Variants in UBR4 observed in about 807,000 individuals in gnomAD.
The protein encoded by UBR4 is ubiquitin protein ligase E3 component n-recognin 4.
Under a neutral mutation model 575.6 loss-of-function variants are expected in UBR4, and 124 were observed. The observed-to-expected ratio is 0.22, with a 90% CI of 0.19 to 0.25. The LOEUF (loss-of-function observed/expected upper bound fraction) is 0.25. Ranked by LOEUF, UBR4 falls within the 10% of genes least tolerant of loss-of-function variation. UBR4 has a pLI of 1.00. For synonymous variants in UBR4, 2,455 were observed against 2,473.7 expected (o/e 0.99, Z 0.22); for missense variants, 4,818 against 6,478.8 (o/e 0.74, Z 8.80).
chr1:19,093,594 T>C lies in UBR4; in HGVS notation c.13938-108A>G. ...CAGCCTATAGAAGATCAAGGCTAAA[T>C]TCCCTAACGTGACACAAAGACCTAT... On this transcript the variant is annotated intron_variant, in intron 95 of 105. Transcript: ENST00000375254. This position sits in a 1 kb window ranked among gnomAD's most constrained non-coding sequence, Gnocchi z 4.8. 8.1e-7 allele frequency: 1 copy of C among 1,240,370 alleles called. No homozygotes were observed. Among genetic ancestry groups the C allele is most frequent in the Non-Finnish European group, 1.1e-6 (1 of 890,338 alleles). 76.8% of individuals were successfully genotyped at this position (1,240,370 alleles called of 1,614,324 possible).
chr1:19,179,146 G>C lies in UBR4; in HGVS notation c.2259C>G (p.Ser753Arg). The C allele has an allele frequency of 6.2e-7, 1 of 1,613,698 alleles. No homozygotes were observed. Among genetic ancestry groups the C allele is most frequent in the Non-Finnish European group, 8.5e-7 (1 of 1,179,896 alleles). ...GPWPLYIHPQSLSVLSRLLLI... is the reference protein window; with the variant it reads ...GPWPLYIHPQRLSVLSRLLLI... ...GCAGGAGGCGTGAAAGCACAGAGAG[G>C]CTTTGAGGGTGAATGTACAAGGGCC... Residue 753 changes from serine to arginine, a missense_variant, in exon 18 of 106, where the codon AGC becomes AGG. By Grantham distance (110) the Ser-to-Arg change is moderately radical. Coordinates refer to ENST00000375254, the MANE Select transcript of UBR4 (RefSeq NM_020765.3).
At chr1:19,161,245 C>T (rs1180671150) in intron 37 of UBR4, 98 bp from the exon 38 acceptor site, 2 of 1,168,464 alleles carry the variant, frequency 1.7e-6, no homozygotes, top group Non-Finnish European at 1.2e-6. Flanking sequence ...AAAGAAGAAA[C>T]TGGCTAAGCG....
Position 19,141,417 on chromosome 1 carries a change from G to A in UBR4, c.8418C>T (p.Ile2806=). ...TGGTCTCGTCATCTGCATCAGGTGGGATGTCCAGCATGGGGGGGAAGCCCT... is the reference window on the plus strand; with the variant it reads ...TGGTCTCGTCATCTGCATCAGGTGGAATGTCCAGCATGGGGGGGAAGCCCT... ...GAEGFPPMLD[I]PPDADDETMV... Residue 2806 remains isoleucine (I), a synonymous_variant, in exon 57 of 106, where the codon ATC becomes ATT. Transcript: ENST00000375254. The A allele has an allele frequency of 6.2e-7, 1 of 1,614,262 alleles. No individual in the cohort carries two copies. The highest frequency in any genetic ancestry group is 8.5e-7 in the Non-Finnish European group (1 of 1,180,038).
Position 19,105,821 on chromosome 1 carries a change from G to C in UBR4, c.12415C>G (p.Gln4139Glu), listed in dbSNP as rs781047474. ...GTACAGGCTGCCTGCCGTGCGGCCT[G>C]CGTTGCTGGAGTGAAAAGCACCTGC... ...LRQVLFTPAT[Q>E]AARQAACTIV... Residue 4139 changes from glutamine to glutamate, a missense_variant, in exon 84 of 106, where the codon CAG (glutamine) becomes GAG (glutamate). Physicochemically the swap from Gln to Glu is conservative, Grantham distance 29. This residue lies in a region of UBR4 where 178 missense variants were observed against 175.5 expected (regional missense o/e 1.01). Coordinates refer to ENST00000375254, the MANE Select transcript of UBR4 (RefSeq NM_020765.3). The C allele has an allele frequency of 1.9e-6, 3 of 1,604,886 alleles. No individual in the cohort carries two copies. In the South Asian group the frequency reaches 3.4e-5, roughly 18 times the overall value.
chr1:19,121,871 A>G (rs1209727745), intron 67 of UBR4, 63 bp downstream of exon 67: 1 of 1,572,466 alleles, frequency 6.4e-7, no homozygotes, highest in Middle Eastern at 1.7e-4. Flanking sequence ...CTTGGCATAT[A>G]GTAGGCCTTA....
intron 100 of UBR4, 89 bp downstream of exon 100, chr1:19,086,590 A>C: frequency 1.3e-6 from 2 of 1,552,450 alleles, no homozygotes; most frequent in Non-Finnish European, 1.7e-6. Flanking sequence ...TAAGGAGCAG[A>C]TTTAAAACCA....
intron 102 of UBR4, among the ~76,000 whole-genome samples, chr1:19,083,333 G>C (rs1254930989): frequency 6.6e-6 from 1 of 152,168 alleles, no homozygotes; most frequent in African/African-American, 2.4e-5. Flanking sequence ...GAAATGGGAG[G>C]GAAGGAAAAG....
At chr1:19,180,969 G>A (rs2090884842) in intron 17 of UBR4, among the ~76,000 whole-genome samples, 1 of 152,154 alleles carries the variant, frequency 6.6e-6, no homozygotes, top group African/African-American at 2.4e-5. Context: ...CAGCTATCTT[G>A]CTAGTCTCAC....
chr1:19,134,132 A>T (rs2082903670), intron 60 of UBR4, among the ~76,000 whole-genome samples: 2 of 148,336 alleles, frequency 1.3e-5, no homozygotes, highest in African/African-American at 5.0e-5. Flanking sequence ...ACAGCTGGGC[A>T]TGGTGGCAAG....
chr1:19,119,873 C>T (rs1240110728), intron 69 of UBR4, among the ~76,000 whole-genome samples, 172 bp from the exon 70 acceptor site: 3 of 152,136 alleles, frequency 2.0e-5, no homozygotes, highest in South Asian at 2.1e-4. Flanking sequence ...CATTTGCTGC[C>T]TCTACCCATC....
intron 49 of UBR4, 76 bp downstream of exon 49, chr1:19,150,499 GCT>G: frequency 6.8e-7 from 1 of 1,474,010 alleles, no homozygotes; most frequent in South Asian, 1.2e-5. Context: ...TTAGAAGCTG[GCT>G]CTCTCAAGAC....
rs2083521544 is a variant in UBR4, at chr1:19,139,042, C to T, written c.8731+41G>A. ...GCAGAGATTCCTGTTTTGTCCCCAC[C>T]CTCTGCCCAAGGAGACAGGACCCCC... On this transcript the variant is annotated intron_variant, in intron 59 of 105. Transcript: ENST00000375254. The surrounding 1 kb of genome is among the most constrained non-coding windows in gnomAD (Gnocchi z 4.2). The T allele has an allele frequency of 6.4e-7, 1 of 1,562,826 alleles. No individual in the cohort carries two copies. Among genetic ancestry groups the T allele is most frequent in the East Asian group, 2.3e-5 (1 of 43,542 alleles).
At position 19,117,007 on chromosome 1, in the gene UBR4, C is replaced by T. The variant is rs1255283387; in HGVS notation, c.10823+214G>A. 2.0e-5 allele frequency among the ~76,000 whole-genome samples: 3 copies of T among 152,188 alleles called. No individual in the cohort carries two copies. The highest frequency in any genetic ancestry group is 7.2e-5 in the African/African-American group (3 of 41,444). The stretch of plus-strand genomic sequence containing the variant: ...GGCTGTTGAGGAACTTCCACAGACC[C>T]CTATGGCTCCACTGGGCTAATTTAG... On this transcript the variant is annotated intron_variant, in intron 73 of 105. Coordinates refer to ENST00000375254, the MANE Select transcript of UBR4 (RefSeq NM_020765.3). The surrounding 1 kb of genome is among the most constrained non-coding windows in gnomAD (Gnocchi z 4.0).
Position 19,106,703 on chromosome 1 carries a change from G to A in UBR4, c.12259C>T (p.Pro4087Ser), listed in dbSNP as rs2079240296. Residue 4087 changes from proline to serine, a missense_variant, in exon 83 of 106, where the codon CCC becomes TCC. This residue lies in a region of UBR4 where 178 missense variants were observed against 175.5 expected (regional missense o/e 1.01). Transcript: ENST00000375254. ...IRGIDGNGKAPSKSELRHLYL... is the reference protein window; with the variant it reads ...IRGIDGNGKASSKSELRHLYL... ...AGATGGCGGAGCTCTGATTTGCTGGGGGCTTTCCCATTGCCATCTATCCCT... is the reference window on the plus strand; with the variant it reads ...AGATGGCGGAGCTCTGATTTGCTGGAGGCTTTCCCATTGCCATCTATCCCT... 1.2e-6 allele frequency: 2 copies of A among 1,602,668 alleles called. No individual in the cohort carries two copies. Among genetic ancestry groups the A allele is most frequent in the Non-Finnish European group, 1.7e-6 (2 of 1,173,778 alleles).
At chr1:19,151,599 A>G in intron 48 of UBR4, 44 bp downstream of exon 48, 1 of 1,605,846 alleles carries the variant, frequency 6.2e-7, no homozygotes. Flanking sequence ...CCAATTTCGC[A>G]GTCACAATGA....
chr1:19,105,901 C>G, intron 83 of UBR4, 59 bp from the exon 84 acceptor site: 1 of 1,350,312 alleles, frequency 7.4e-7, no homozygotes. Flanking sequence ...CTCACCAGGC[C>G]CCCAGCAGGG....
Position 19,087,899 on chromosome 1 carries a change from T to C in UBR4, c.14461A>G (p.Thr4821Ala), listed in dbSNP as rs1256380931. The part of the protein sequence containing the change: ...TNEKGQVVTK[T>A]ALLKQMEELI... The stretch of plus-strand genomic sequence containing the variant: ...TCTTCCATCTGCTTCAGGAGTGCTG[T>C]CTTGGTCACGACCTGGCCCTTTTCA... The change falls in exon 99 of 106, where the codon ACA (threonine) becomes GCA (alanine). Residue 4821 changes from threonine to alanine, a missense_variant. By Grantham distance (58) the Thr-to-Ala change is moderately conservative. Around this residue, in one of 29 missense-constraint regions of UBR4, gnomAD observed 196 missense variants for 386.8 expected, o/e 0.51. Transcript: ENST00000375254. 7 of 1,609,358 alleles carry C rather than the reference T, an allele frequency of 4.3e-6. No homozygotes were observed. Among genetic ancestry groups the C allele is most frequent in the Non-Finnish European group, 5.1e-6 (6 of 1,177,304 alleles).
In UBR4 at chr1:19,126,343, A is replaced by G. The variant is rs564223421; in HGVS notation, c.9438+103T>C. The G allele has an allele frequency of 2.9e-5, 41 of 1,393,108 alleles. No individual in the cohort carries two copies. In the South Asian group the frequency reaches 5.0e-4, roughly 17 times the overall value. 86.3% of individuals were successfully genotyped at this position (1,393,108 alleles called of 1,614,324 possible). On this transcript the variant is annotated intron_variant, in intron 64 of 105. Transcript: ENST00000375254. ...CACCAAGGAATGCCGGCTCCTTCCT[A>G]TGGCTCTTCACCCTCAGCCCCTTGA...
intron 75 of UBR4, 111 bp downstream of exon 75, chr1:19,114,700 T>G: frequency 7.1e-7 from 1 of 1,398,628 alleles, no homozygotes; most frequent in Non-Finnish European, 9.7e-7. Context: ...GAAACTGGTG[T>G]TGAGTCGAAG....
Sources: allele counts gnomAD v4.1 joint callset (sites outside exome capture counted in the v4.1 genomes callset), GRCh38; gene constraint gnomAD v4.1.1; regional missense constraint gnomAD v4.1.1; non-coding constraint Gnocchi (gnomAD v3.1); transcripts MANE v1.5; gene names NCBI Gene and HGNC (gene_info 2026-07-23, HGNC 2026-07-21).